DGKZ: variants seen among roughly 807,000 people sequenced by gnomAD.
The protein encoded by DGKZ is DAG kinase zeta.
DGKZ carries 45 observed loss-of-function variants against 142.5 expected under a neutral mutation model. The observed-to-expected ratio is 0.32, with a 90% CI of 0.25 to 0.40. The LOEUF is 0.40. Among genes scored for constraint, DGKZ ranks in the 10% least tolerant of loss-of-function variants. The probability of loss-of-function intolerance (pLI) is 1.00; values close to 1 mark genes in which losing one functional copy is unlikely to be tolerated. For synonymous variants in DGKZ, 442 were observed against 527.0 expected, an observed-to-expected ratio of 0.84 and a Z score of 2.21; for missense variants, 755 against 1,306.5, an observed-to-expected ratio of 0.58 and a Z score of 6.51.
At chr11:46,377,006 C>A in intron 24 of DGKZ, 67 bp from the exon 25 acceptor site, 3 of 1,438,922 alleles carry the variant, frequency 2.1e-6, no homozygotes, top group African/African-American at 1.4e-5. Context: ...CCAGGTCTAC[C>A]AGCCTTGCTG....
Position 46,367,615 on chromosome 11 carries a change from G to A in DGKZ, c.271-37G>A, listed in dbSNP as rs113791603. 6,250 of 1,559,178 alleles carry A rather than the reference G, an allele frequency of 4.0e-3. 50 individuals are homozygous for A. The highest frequency in any genetic ancestry group is 0.027 in the African/African-American group (2,011 of 74,036). ...GGGCTGATGGGAGGGAGGGCTGGGC[G>A]GCCAGCGTGTGCTGAGCAAGCCCAT... is the stretch of plus-strand genomic sequence containing the variant. On this transcript the variant is annotated intron_variant, in intron 2 of 30. Coordinates refer to ENST00000527911, the Ensembl canonical transcript of DGKZ. The surrounding 1 kb of genome is among the most constrained non-coding windows in gnomAD (Gnocchi z 4.1).
intron 1 of DGKZ, among the ~76,000 whole-genome samples, chr11:46,359,770 A>ATTTTTTT (rs779825781): frequency 1.6e-5 from 2 of 129,018 alleles, no homozygotes; most frequent in Non-Finnish European, 1.6e-5. Flanking sequence ...TGCCCGGCTA[A>ATTTTTTT]TTTTTTTTTT....
chr11:46,378,255 T>C (rs776942093), intron 26 of DGKZ, 26 bp downstream of exon 26: 1 of 1,596,036 alleles, frequency 6.3e-7, no homozygotes, highest in South Asian at 1.1e-5. Flanking sequence ...CTGGGGCCCC[T>C]CCTTTCTGCC....
chr11:46,335,148 T>C (rs1939952862), intron 1 of DGKZ, among the ~76,000 whole-genome samples: 1 of 152,002 alleles, frequency 6.6e-6, no homozygotes, highest in South Asian at 2.1e-4. Flanking sequence ...ACCCTGTCTC[T>C]ACTAAATATA....
chr11:46,376,515 C>G lies in DGKZ; in HGVS notation c.2162-9C>G. On this transcript the variant is annotated splice_polypyrimidine_tract_variant and intron_variant, in intron 23 of 30. Coordinates refer to ENST00000527911, the Ensembl canonical transcript of DGKZ. ...ACTCCCTGATCCTCAGCTGCCCTCT[C>G]TCCCACAGCCACCACTGCCAGCCGC... is the stretch of plus-strand genomic sequence containing the variant. The G allele has an allele frequency of 6.2e-7, 1 of 1,613,732 alleles. No individual in the cohort carries two copies. Among genetic ancestry groups the G allele is most frequent in the Non-Finnish European group, 8.5e-7 (1 of 1,179,994 alleles).
chr11:46,335,540 C>G (rs1436003114), intron 1 of DGKZ, among the ~76,000 whole-genome samples: 1 of 152,200 alleles, frequency 6.6e-6, no homozygotes, highest in African/African-American at 2.4e-5. Context: ...GGCCTGTAAT[C>G]ACCAAGGATG....
At chr11:46,355,257 C>T (rs112366829) in intron 1 of DGKZ, among the ~76,000 whole-genome samples, 33 of 151,776 alleles carry the variant, frequency 2.2e-4, no homozygotes, top group South Asian at 1.5e-3. Context: ...TACAGGCGCC[C>T]GCCACCACGC....
At chr11:46,370,107 G>T (rs867402127) in intron 6 of DGKZ, 98 bp downstream of exon 6, 4 of 1,471,428 alleles carry the variant, frequency 2.7e-6, no homozygotes, top group East Asian at 2.3e-5. Flanking sequence ...CCACACCCTG[G>T]TGTGCAGAGT....
At chr11:46,345,510 CG>C, upstream of DGKZ, 1 of 1,518,262 alleles carries the variant, frequency 6.6e-7, no homozygotes, top group Non-Finnish European at 8.8e-7. The surrounding 1 kb of genome is among the most constrained non-coding windows in gnomAD (Gnocchi z 4.1). Context: ...GGGGAGCGGC[CG>C]GGGTCACTGA....
upstream of DGKZ, chr11:46,345,222 C>T: frequency 7.5e-7 from 1 of 1,333,706 alleles, no homozygotes. This position sits in a 1 kb window ranked among gnomAD's most constrained non-coding sequence, Gnocchi z 4.1. Context: ...CTGGTCTGGG[C>T]TTGTCCCCAC....
At chr11:46,346,559 G>A (rs1415533215), upstream of DGKZ, among the ~76,000 whole-genome samples, 1 of 152,186 alleles carries the variant, frequency 6.6e-6, no homozygotes, top group Non-Finnish European at 1.5e-5. Flanking sequence ...GGATGGGAGT[G>A]TGTGCATATG....
In DGKZ at chr11:46,367,353, C is replaced by G. The variant is rs749509532; in HGVS notation, c.224C>G (p.Pro75Arg). 3 of 1,613,162 alleles carry G rather than the reference C, an allele frequency of 1.9e-6. No homozygotes were observed. The highest frequency in any genetic ancestry group is 1.1e-5 in the South Asian group (1 of 91,076). The change falls in exon 2 of 31, where the codon CCG (proline) becomes CGG (arginine). Residue 75 changes from proline (P) to arginine (R), a missense_variant. Coordinates refer to ENST00000527911, the Ensembl canonical transcript of DGKZ. The surrounding 1 kb of genome is among the most constrained non-coding windows in gnomAD (Gnocchi z 4.1). ...CCCCCTCCGCCCACCCCTGGGGCCC[C>G]GTGCAGCGAGTCAGAGCGGCAGATC...
intron 27 of DGKZ, chr11:46,378,787 G>T (rs1211224550): frequency 5.2e-6 from 5 of 958,148 alleles, no homozygotes; most frequent in Admixed American, 2.0e-5. Flanking sequence ...CACCAGTGCT[G>T]CCAGAGAGCC....
exon 22 of DGKZ, chr11:46,376,091 C>T (rs371034785): frequency 6.2e-7 from 1 of 1,611,666 alleles, no homozygotes; most frequent in African/African-American, 1.3e-5. Flanking sequence ...CTGTGGTGGT[C>T]CCAGGAGACA....
chr11:46,360,656 G>A (rs1038246504), intron 1 of DGKZ, among the ~76,000 whole-genome samples: 2 of 152,108 alleles, frequency 1.3e-5, no homozygotes, highest in Non-Finnish European at 2.9e-5. Context: ...CATGGTGGCA[G>A]GTGCCTGTAA....
Position 46,373,078 on chromosome 11 carries a change from C to T in DGKZ, c.1303C>T (p.Arg435Ter), listed in dbSNP as rs749464771. Residue 435 changes from arginine to a stop codon, truncating the protein, a stop_gained, in exon 14 of 31, where the codon CGA becomes TGA. Transcript: ENST00000527911. LOFTEE classifies it high-confidence loss of function. The stretch of plus-strand genomic sequence containing the variant: ...CAACCCCGAGGCAGGGCCTGAGGAC[C>T]GAGATGAAGGCGCCACCGACCGGGT... 6.5e-7 allele frequency: 1 copy of T among 1,543,950 alleles called. No homozygotes were observed. The highest frequency in any genetic ancestry group is 8.7e-7 in the Non-Finnish European group (1 of 1,144,510).
At position 46,371,379 on chromosome 11, in the gene DGKZ, C is replaced by T; in HGVS notation, c.637C>T (p.Gln213Ter). 1.9e-6 allele frequency: 3 copies of T among 1,613,754 alleles called. No individual in the cohort carries two copies. Among genetic ancestry groups the T allele is most frequent in the Non-Finnish European group, 1.7e-6 (2 of 1,179,916 alleles). The change falls in exon 7 of 31, where the codon CAG becomes TAG. Residue 213 changes from glutamine (Q) to a stop codon, truncating the protein, a stop_gained. Coordinates refer to ENST00000527911, the Ensembl canonical transcript of DGKZ. LOFTEE classifies it high-confidence loss of function. ...GGCCATCAGCTGCTCGTGGTGCAAG[C>T]AGGCAGTGAGTGGTGCCCCCGCCCC...
intron 4 of DGKZ, chr11:46,369,202 C>T (rs1024464714): frequency 9.6e-5 from 47 of 489,600 alleles, no homozygotes; most frequent in African/African-American, 4.9e-4. Context: ...AAAAAAACAA[C>T]GAGCAAACCA....
chr11:46,354,415 C>A (rs1226608661), intron 1 of DGKZ, among the ~76,000 whole-genome samples: 1 of 152,106 alleles, frequency 6.6e-6, no homozygotes, highest in Non-Finnish European at 1.5e-5. Flanking sequence ...AGGTTGGTCT[C>A]GAACTCCTGG....
Sources: gnomAD v4.1 joint callset for allele counts (sites outside exome capture counted in the v4.1 genomes callset) on GRCh38, gnomAD v4.1.1 for gene constraint, Gnocchi (gnomAD v3.1) non-coding constraint, MANE v1.5 for transcripts, NCBI Gene and HGNC (gene_info 2026-07-23, HGNC 2026-07-21) for gene names.